Variants in MAP2K5 observed in about 807,000 individuals in gnomAD.
The protein encoded by MAP2K5 is dual specificity mitogen-activated protein kinase kinase 5.
A neutral mutation model predicts 83.1 loss-of-function variants in MAP2K5; 49 were observed. The observed-to-expected ratio is 0.59, with a 90% CI of 0.47 to 0.75. The LOEUF (loss-of-function observed/expected upper bound fraction) is 0.75. MAP2K5 is among the 30% of genes least tolerant of loss of function. MAP2K5 has a pLI of 0.00. For missense variants in MAP2K5, 457 were observed against 557.5 expected (o/e 0.82, Z 1.82); for synonymous variants, 202 against 191.8 (o/e 1.05, Z -0.44).
chr15:67,758,816 A>G lies in MAP2K5; in HGVS notation c.1134+10215A>G, dbSNP rs1251993615. Among the ~76,000 whole-genome samples the G allele has an allele frequency of 1.3e-5, 2 of 152,232 alleles. No homozygotes were observed. Among genetic ancestry groups the G allele is most frequent in the Non-Finnish European group, 2.9e-5 (2 of 68,042 alleles). ...GGAAACTGAGTGACAATCAAAGGGT[A>G]AGGTTCCTTACATTATACTATCACT... On this transcript the variant is annotated intron_variant, in intron 19 of 21. Transcript: ENST00000178640. The surrounding 1 kb of genome is among the most constrained non-coding windows in gnomAD (Gnocchi z 4.7).
Position 67,690,659 on chromosome 15 carries a change from G to A in MAP2K5, c.848-1820G>A, listed in dbSNP as rs925305080. Among the ~76,000 whole-genome samples the A allele has an allele frequency of 9.9e-5, 15 of 151,364 alleles. No individual in the cohort carries two copies. The highest frequency in any genetic ancestry group is 1.9e-4 in the African/African-American group (8 of 41,094). ...AGCAATTCTCCTCCCTCAGCCTCCC[G>A]AGTAGCTGAGATTACAGGTGTCCGC... On this transcript the variant is annotated intron_variant, in intron 13 of 21. Coordinates refer to ENST00000178640, the MANE Select transcript of MAP2K5 (RefSeq NM_145160.3). The surrounding 1 kb of genome is among the most constrained non-coding windows in gnomAD (Gnocchi z 4.3).
At position 67,790,829 on chromosome 15, in the gene MAP2K5, C is replaced by T. The variant is rs1268954883; in HGVS notation, c.1243-15817C>T. ...CCTTAGAAAAGGAGTATGATAAGTA[C>T]TGCAAAATTTAGGCCACTGATAGTT... On this transcript the variant is annotated intron_variant, in intron 21 of 21. Transcript: ENST00000178640. This position sits in a 1 kb window ranked among gnomAD's most constrained non-coding sequence, Gnocchi z 4.6. Among the ~76,000 whole-genome samples, 1 of 152,128 alleles carries T rather than the reference C, an allele frequency of 6.6e-6. No individual in the cohort carries two copies. Among genetic ancestry groups the T allele is most frequent in the Non-Finnish European group, 1.5e-5 (1 of 68,038 alleles).
intron 15 of MAP2K5, among the ~76,000 whole-genome samples, chr15:67,697,691 T>A (rs924303367): frequency 6.6e-6 from 1 of 152,218 alleles, no homozygotes; most frequent in East Asian, 1.9e-4. Flanking sequence ...GTATTAAGAA[T>A]CTTGCTTGTG....
chr15:67,721,234 A>G (rs1294048138), intron 16 of MAP2K5, among the ~76,000 whole-genome samples: 2 of 152,100 alleles, frequency 1.3e-5, no homozygotes, highest in African/African-American at 4.8e-5. Context: ...CTTATTATTA[A>G]TAATCTGGGA....
rs1177876309 is a variant in MAP2K5, at chr15:67,668,614, A to G, written c.847+3969A>G. 6.6e-6 allele frequency among the ~76,000 whole-genome samples: 1 copy of G among 152,190 alleles called. No individual in the cohort carries two copies. Among genetic ancestry groups the G allele is most frequent in the Non-Finnish European group, 1.5e-5 (1 of 68,030 alleles). On this transcript the variant is annotated intron_variant, in intron 13 of 21. Transcript: ENST00000178640. This position sits in a 1 kb window ranked among gnomAD's most constrained non-coding sequence, Gnocchi z 4.0. ...TAAACCTACAGCTCCAGTCATAGCC[A>G]TCATTACCCACATCAAACATAAATA...
intron 19 of MAP2K5, among the ~76,000 whole-genome samples, chr15:67,767,634 A>G (rs1437528708): frequency 6.6e-6 from 1 of 152,176 alleles, no homozygotes; most frequent in Non-Finnish European, 1.5e-5. Context: ...GCTTGGTGAT[A>G]TATATGGCTT....
chr15:67,543,534 C>T lies in MAP2K5; in HGVS notation c.135+64C>T, dbSNP rs1367266045. 1.9e-6 allele frequency: 3 copies of T among 1,589,776 alleles called. No homozygotes were observed. The Admixed American group carries it at 5.0e-5, about 27-fold the overall frequency. ...GACTCAGGGACTTGAGTAGTCAGCA[C>T]CTTGACCACTGGTGACCTGAGCCAG... On this transcript the variant is annotated intron_variant, in intron 1 of 21. Transcript: ENST00000178640. The surrounding 1 kb of genome is among the most constrained non-coding windows in gnomAD (Gnocchi z 4.3).
chr15:67,756,347 A>T (rs2089833569), intron 19 of MAP2K5, among the ~76,000 whole-genome samples: 1 of 152,218 alleles, frequency 6.6e-6, no homozygotes, highest in South Asian at 2.1e-4. Context: ...TTTTGAATAC[A>T]GTTGTGCCTT....
intron 9 of MAP2K5, among the ~76,000 whole-genome samples, chr15:67,634,093 T>A (rs1186845836): frequency 6.6e-6 from 1 of 152,020 alleles, no homozygotes; most frequent in East Asian, 1.9e-4. Flanking sequence ...TATAGCCTGC[T>A]TGTGCCTGTA....
intron 11 of MAP2K5, among the ~76,000 whole-genome samples, chr15:67,653,445 T>TGCCACC (rs1465738360): frequency 5.9e-5 from 9 of 151,912 alleles, no homozygotes; most frequent in Admixed American, 5.9e-4. Context: ...AGCTACTCTG[T>TGCCACC]GCCACCATGC....
At chr15:67,566,526 G>A (rs2084843250) in intron 3 of MAP2K5, among the ~76,000 whole-genome samples, 1 of 152,102 alleles carries the variant, frequency 6.6e-6, no homozygotes, top group Non-Finnish European at 1.5e-5. Flanking sequence ...GGTCATCTTA[G>A]TATTTCTTTA....
At position 67,778,208 on chromosome 15, in the gene MAP2K5, A is replaced by T. The variant is rs541594557; in HGVS notation, c.1242+5456A>T. 1.3e-5 allele frequency among the ~76,000 whole-genome samples: 2 copies of T among 152,332 alleles called. No individual in the cohort carries two copies. The highest frequency in any genetic ancestry group is 4.8e-5 in the African/African-American group (2 of 41,576). ...TTTAACTCCTCTAAATTAAATTGTC[A>T]CTGGTAGCTTTTCTGCTTTTCCAAA... On this transcript the variant is annotated intron_variant, in intron 21 of 21. Coordinates refer to ENST00000178640, the MANE Select transcript of MAP2K5 (RefSeq NM_145160.3). The surrounding 1 kb of genome is among the most constrained non-coding windows in gnomAD (Gnocchi z 5.0).
rs1395346302 is a variant in MAP2K5 at position 67,780,890 on chromosome 15, A to T, written c.1242+8138A>T. Among the ~76,000 whole-genome samples the T allele has an allele frequency of 6.6e-6, 1 of 152,222 alleles. No individual in the cohort carries two copies. Among genetic ancestry groups the T allele is most frequent in the East Asian group, 1.9e-4 (1 of 5,192 alleles). On this transcript the variant is annotated intron_variant, in intron 21 of 21. Coordinates refer to ENST00000178640, the MANE Select transcript of MAP2K5 (RefSeq NM_145160.3). The surrounding 1 kb of genome is among the most constrained non-coding windows in gnomAD (Gnocchi z 5.0). ...CTGACCAGGTGGTGATCAGCAGCAC[A>T]TATGATCTTTGGTATGCATTCTGAC...
intron 9 of MAP2K5, among the ~76,000 whole-genome samples, chr15:67,634,843 T>C (rs932705761): frequency 6.6e-6 from 1 of 152,226 alleles, no homozygotes; most frequent in Non-Finnish European, 1.5e-5. Flanking sequence ...TTGGGTCTTA[T>C]TTTTTAATCC....
In MAP2K5 at chr15:67,736,513, G is replaced by C. The variant is rs2089344144; in HGVS notation, c.1074+8568G>C. Among the ~76,000 whole-genome samples, 1 of 152,156 alleles carries C rather than the reference G, an allele frequency of 6.6e-6. No homozygotes were observed. Among genetic ancestry groups the C allele is most frequent in the Non-Finnish European group, 1.5e-5 (1 of 68,022 alleles). ...TTCAGGGATTTACCTATGTAACTCT[G>C]AAAATATATGACCATGTCTCACACC... is the stretch of plus-strand genomic sequence containing the variant. On this transcript the variant is annotated intron_variant, in intron 17 of 21. Coordinates refer to ENST00000178640, the MANE Select transcript of MAP2K5 (RefSeq NM_145160.3). The surrounding 1 kb of genome is among the most constrained non-coding windows in gnomAD (Gnocchi z 4.3).
rs1439804983 is a variant in MAP2K5, at chr15:67,724,729, T to G, written c.1045-3187T>G. Among the ~76,000 whole-genome samples the G allele has an allele frequency of 6.6e-6, 1 of 152,216 alleles. No individual in the cohort carries two copies. Among genetic ancestry groups the G allele is most frequent in the Non-Finnish European group, 1.5e-5 (1 of 68,026 alleles). On this transcript the variant is annotated intron_variant, in intron 16 of 21. Transcript: ENST00000178640. This position sits in a 1 kb window ranked among gnomAD's most constrained non-coding sequence, Gnocchi z 4.4. ...GTGGAACATAAACACTGTAGCTGCATTAGACCTAGAGGGATAGAGGCATAC... is the reference window on the plus strand; with the variant it reads ...GTGGAACATAAACACTGTAGCTGCAGTAGACCTAGAGGGATAGAGGCATAC...
intron 5 of MAP2K5, among the ~76,000 whole-genome samples, chr15:67,586,170 G>A (rs759725302): frequency 2.0e-5 from 3 of 152,280 alleles, no homozygotes; most frequent in African/African-American, 7.2e-5. Flanking sequence ...GTTGGTCAGT[G>A]TCTTCAGGAT....
chr15:67,616,773 T>A (rs2086065682), intron 8 of MAP2K5, among the ~76,000 whole-genome samples: 1 of 152,236 alleles, frequency 6.6e-6, no homozygotes, highest in Non-Finnish European at 1.5e-5. Context: ...TTTTAATTAC[T>A]GGTTATTTCT....
At chr15:67,669,397 A>T (rs2087472107) in intron 13 of MAP2K5, among the ~76,000 whole-genome samples, 1 of 152,056 alleles carries the variant, frequency 6.6e-6, no homozygotes, top group Admixed American at 6.6e-5. Context: ...CATAGGGAAG[A>T]TGAGTTTGGG....
Sources: allele counts gnomAD v4.1 joint callset (sites outside exome capture counted in the v4.1 genomes callset), GRCh38; gene constraint gnomAD v4.1.1; non-coding constraint Gnocchi (gnomAD v3.1); transcripts MANE v1.5; gene names NCBI Gene and HGNC (gene_info 2026-07-23, HGNC 2026-07-21).